PPP4R1: variants seen among roughly 807,000 people sequenced by gnomAD.
The protein encoded by PPP4R1 is serine/threonine-protein phosphatase 4 regulatory subunit 1.
Under a neutral mutation model 111.2 loss-of-function variants are expected in PPP4R1, and 42 were observed. That is an observed-to-expected ratio of 0.38 (90% CI 0.29 to 0.49). The LOEUF is 0.49. Ranked by LOEUF, PPP4R1 falls within the 20% of genes least tolerant of loss-of-function variation. The pLI, the probability that PPP4R1 is intolerant of heterozygous loss-of-function variation, is 0.97. For synonymous variants in PPP4R1, 409 were observed against 405.5 expected, an observed-to-expected ratio of 1.01 and a Z score of -0.10; for missense variants, 1,012 against 1,161.6, an observed-to-expected ratio of 0.87 and a Z score of 1.87.
chr18:9,617,155 A>G (rs1365968152), upstream of PPP4R1: 1 of 152,160 alleles, frequency 6.6e-6, no homozygotes, highest in African/African-American at 2.4e-5. Context: ...CAGCTCGTGG[A>G]TGGCAGAGCT....
chr18:9,579,066 A>AC (rs1379041735), intron 9 of PPP4R1, among the ~76,000 whole-genome samples: 1 of 152,202 alleles, frequency 6.6e-6, no homozygotes, highest in Non-Finnish European at 1.5e-5. Context: ...CCTTGATTTC[A>AC]CAAAAACAGA....
chr18:9,583,687 T>C (rs1049530680), intron 8 of PPP4R1, among the ~76,000 whole-genome samples: 3 of 152,098 alleles, frequency 2.0e-5, no homozygotes, highest in African/African-American at 7.2e-5. Context: ...AAATGTTGGA[T>C]TGTCTTAAAA....
intron 13 of PPP4R1, among the ~76,000 whole-genome samples, chr18:9,560,985 A>G (rs1226857326): frequency 6.6e-6 from 1 of 152,098 alleles, no homozygotes; most frequent in African/African-American, 2.4e-5. Context: ...TGGGAGGCTG[A>G]GGTGGGCGGA....
intron 3 of PPP4R1, 77 bp downstream of exon 3, chr18:9,594,941 G>A: frequency 2.6e-6 from 4 of 1,515,866 alleles, no homozygotes; most frequent in Non-Finnish European, 3.6e-6. Context: ...CTTTAAAGTG[G>A]ATACTTTCAT....
chr18:9,552,536 CAG>C (rs935539068), intron 16 of PPP4R1, among the ~76,000 whole-genome samples: 2 of 152,092 alleles, frequency 1.3e-5, no homozygotes, highest in Admixed American at 6.5e-5. Flanking sequence ...AGTGAGGAGA[CAG>C]AGAAACTGGA....
chr18:9,554,006 C>T (rs938885643), intron 15 of PPP4R1, among the ~76,000 whole-genome samples: 12 of 152,228 alleles, frequency 7.9e-5, no homozygotes, highest in African/African-American at 2.9e-4. Context: ...AAGGGACGTT[C>T]TAAGGACAGA....
rs763985578 is a variant in PPP4R1, at chr18:9,577,211, A to G, written c.919-20T>C. The G allele has an allele frequency of 7.6e-6, 12 of 1,587,434 alleles. No homozygotes were observed. Among genetic ancestry groups the G allele is most frequent in the South Asian group, 4.6e-5 (4 of 86,124 alleles). The stretch of plus-strand genomic sequence containing the variant: ...GCGAACCTAGGAAGATAAAAAGGAC[A>G]ATAATAAAGGAATCATTTTGAAAAA... On this transcript the variant is annotated intron_variant, in intron 9 of 19. Transcript: ENST00000400556.
chr18:9,588,308 A>G, intron 5 of PPP4R1, 73 bp from the exon 6 acceptor site: 1 of 1,480,770 alleles, frequency 6.8e-7, no homozygotes, highest in South Asian at 1.3e-5. Context: ...ATTTTTATAA[A>G]CAAAGATTTC....
intron 4 of PPP4R1, among the ~76,000 whole-genome samples, chr18:9,591,466 C>T (rs973989125): frequency 1.3e-5 from 2 of 151,816 alleles, no homozygotes; most frequent in South Asian, 4.2e-4. Flanking sequence ...CCATCCATTC[C>T]GGGGGAAAAT....
chr18:9,547,357 T>C lies in PPP4R1; in HGVS notation c.*432A>G, dbSNP rs1330767305. On this transcript the variant is annotated 3_prime_UTR_variant, in exon 20 of 20. Coordinates refer to ENST00000400556, the MANE Select transcript of PPP4R1 (RefSeq NM_001042388.3). ...GGGAGAGAAGAGTTAGGGCTGATAC[T>C]GAAGGTCTCTTTCACATCTGGGCAC... The C allele has an allele frequency of 6.0e-6, 1 of 167,616 alleles. No individual in the cohort carries two copies. Among genetic ancestry groups the C allele is most frequent in the African/African-American group, 2.4e-5 (1 of 42,058 alleles). The allele number at this position is 167,616 out of a possible 1,614,324, so 10.4% of individuals were successfully genotyped here.
chr18:9,584,680 C>T (rs1314170130), intron 7 of PPP4R1, 41 bp downstream of exon 7: 2 of 1,606,356 alleles, frequency 1.2e-6, no homozygotes, highest in East Asian at 2.2e-5. Flanking sequence ...ACCACTAGAA[C>T]TATGTTCTTA....
Position 9,564,737 on chromosome 18 carries a change from T to TGGGGGG in PPP4R1, c.1574-1188_1574-1187insCCCCCC, listed in dbSNP as rs201070259. ...GTGTGTGTGTGTGTGTGTGTGTGTG[T>TGGGGGG]GGGGGTATCATCCCCCATCCATTCT... is the stretch of plus-strand genomic sequence containing the variant. On this transcript the variant is annotated intron_variant, in intron 11 of 19. Transcript: ENST00000400556. 3.5e-3 allele frequency among the ~76,000 whole-genome samples: 237 copies of TGGGGGG among 67,976 alleles called. 1 individual carries two copies. Among genetic ancestry groups the TGGGGGG allele is most frequent in the African/African-American group, 0.015 (197 of 13,318 alleles). 44.6% of individuals were successfully genotyped at this position (67,976 alleles called of 152,430 possible).
rs1304972803 is a variant in PPP4R1 at position 9,555,989 on chromosome 18, CA to C, written c.2190+1231del. 7.8e-4 allele frequency among the ~76,000 whole-genome samples: 59 copies of C among 75,182 alleles called. 1 individual carries two copies. Among genetic ancestry groups the C allele is most frequent in the African/African-American group, 2.5e-3 (55 of 22,336 alleles). 49.3% of individuals were successfully genotyped at this position (75,182 alleles called of 152,430 possible). A position where few individuals can be genotyped will look rare whatever the true frequency, so the allele number is the denominator to read the frequency against. ...ATCTCTACTAAAACAAACAAACAAA[CA>C]AACAAACAAAAAAACACAAAATCGG... On this transcript the variant is annotated intron_variant, in intron 15 of 19. Transcript: ENST00000400556.
intron 14 of PPP4R1, 84 bp from the exon 15 acceptor site, chr18:9,557,466 T>C (rs2066605600): frequency 1.6e-6 from 2 of 1,235,842 alleles, no homozygotes; most frequent in Admixed American, 5.7e-5. Flanking sequence ...GGCTAATTTA[T>C]ATATGAATGT....
chr18:9,586,759 G>T (rs1218768110), intron 6 of PPP4R1, among the ~76,000 whole-genome samples: 1 of 152,030 alleles, frequency 6.6e-6, no homozygotes, highest in Non-Finnish European at 1.5e-5. Context: ...TATCCAAATA[G>T]ATATGAATAA....
At chr18:9,565,821 G>A (rs1030458999) in intron 11 of PPP4R1, among the ~76,000 whole-genome samples, 1 of 152,252 alleles carries the variant, frequency 6.6e-6, no homozygotes, top group Non-Finnish European at 1.5e-5. Flanking sequence ...AGTGCAAGGT[G>A]AAGCAGCCAG....
At chr18:9,555,574 C>T (rs1438886960) in intron 15 of PPP4R1, among the ~76,000 whole-genome samples, 4 of 152,192 alleles carry the variant, frequency 2.6e-5, no homozygotes, top group African/African-American at 9.7e-5. Context: ...GCCAACACCA[C>T]ATTAGCCCTG....
chr18:9,581,813 A>C (rs2067034095), intron 9 of PPP4R1, among the ~76,000 whole-genome samples: 1 of 152,118 alleles, frequency 6.6e-6, no homozygotes, highest in African/African-American at 2.4e-5. Flanking sequence ...CAAGGAGAAA[A>C]ATCTAGAAAG....
chr18:9,553,322 T>G lies in PPP4R1; in HGVS notation c.2291A>C (p.Glu764Ala), dbSNP rs1363402283. 4 of 1,564,422 alleles carry G rather than the reference T, an allele frequency of 2.6e-6. No individual in the cohort carries two copies. In the South Asian group the frequency reaches 4.4e-5, roughly 17 times the overall value. ...AATCTAATAAACTGTTAGAACTTAC[T>G]CAGCCAGTTCAGCTCGAAACCGCCA... Reference protein sequence around the residue: ...RNWRFRAELAEQLILLLELYS... With the variant: ...RNWRFRAELAAQLILLLELYS... Residue 764 changes from glutamate to alanine, a missense_variant and splice_region_variant, in exon 16 of 20, where the codon GAA (glutamate) becomes GCA (alanine). Physicochemically the swap from Glu to Ala is moderately radical, Grantham distance 107. This residue lies in a region of PPP4R1 where 305 missense variants were observed against 419.5 expected (regional missense o/e 0.73). Transcript: ENST00000400556.
Sources: gnomAD v4.1 joint callset for allele counts (sites outside exome capture counted in the v4.1 genomes callset) on GRCh38, gnomAD v4.1.1 for gene constraint, gnomAD v4.1.1 regional missense constraint, MANE v1.5 for transcripts, NCBI Gene and HGNC (gene_info 2026-07-23, HGNC 2026-07-21) for gene names.